ADAMTSL1: variants seen among roughly 807,000 people sequenced by gnomAD.
ADAMTSL1 encodes the protein ADAMTS-like protein 1.
Under a neutral mutation model 201.8 loss-of-function variants are expected in ADAMTSL1, and 126 were observed. The ratio of observed to expected loss-of-function variants is 0.62; its 90% CI spans 0.54 to 0.72. The LOEUF (loss-of-function observed/expected upper bound fraction) is 0.72, where lower values mean the gene tolerates loss of function less well. Ranked by LOEUF, ADAMTSL1 falls within the 30% of genes least tolerant of loss-of-function variation. The pLI, the probability that ADAMTSL1 is intolerant of heterozygous loss-of-function variation, is 0.00. For missense variants in ADAMTSL1, 2,679 were observed against 2,277.8 expected (o/e 1.18, Z -3.59); for synonymous variants, 1,121 against 903.4 (o/e 1.24, Z -4.32).
Position 18,244,084 on chromosome 9 carries a change from AT to A in ADAMTSL1, c.207+80107del, listed in dbSNP as rs1156801445. Among the ~76,000 whole-genome samples, 12 of 97,518 alleles carry A rather than the reference AT, an allele frequency of 1.2e-4. No individual in the cohort carries two copies. In the South Asian group the frequency reaches 4.4e-3, roughly 35 times the overall value. 64.0% of individuals were successfully genotyped at this position (97,518 alleles called of 152,430 possible). ...TTGCTAAATGAAATAGAGAGAAATGATTTTGTGTGTGTGTGTGTGTGTGTGT... is the reference window on the plus strand; with the variant it reads ...TTGCTAAATGAAATAGAGAGAAATGATTTGTGTGTGTGTGTGTGTGTGTGT... On this transcript the variant is annotated intron_variant, in intron 2 of 29. Transcript: ENST00000680146.
At chr9:18,502,803 T>C (rs1822911155) in intron 1 of ADAMTSL1, among the ~76,000 whole-genome samples, 1 of 152,112 alleles carries the variant, frequency 6.6e-6, no homozygotes, top group African/African-American at 2.4e-5. Flanking sequence ...TTCAGGGAGA[T>C]GATACTTTAC....
chr9:18,641,082 C>T (rs981522172), intron 7 of ADAMTSL1, among the ~76,000 whole-genome samples: 11 of 151,994 alleles, frequency 7.2e-5, no homozygotes, highest in African/African-American at 2.7e-4. Context: ...ACCTGAATGC[C>T]GGGCAGGTCC....
At chr9:18,856,322 G>C (rs1297164278) in intron 23 of ADAMTSL1, among the ~76,000 whole-genome samples, 1 of 151,918 alleles carries the variant, frequency 6.6e-6, no homozygotes, top group African/African-American at 2.4e-5. Context: ...GATGGTTTTT[G>C]GTTCATTCAT....
At chr9:17,982,597 G>C (rs1818753163) in intron 1 of ADAMTSL1, among the ~76,000 whole-genome samples, 1 of 152,054 alleles carries the variant, frequency 6.6e-6, no homozygotes, top group Admixed American at 6.6e-5. Flanking sequence ...GGGTGACAGA[G>C]CAAGACTCCG....
chr9:18,355,103 G>GAATCTACA (rs1836155064), intron 2 of ADAMTSL1, among the ~76,000 whole-genome samples: 1 of 151,120 alleles, frequency 6.6e-6, no homozygotes, highest in Admixed American at 6.6e-5. Flanking sequence ...CCCTAGTTTA[G>GAATCTACA]AATCTACACC....
intron 4 of ADAMTSL1, among the ~76,000 whole-genome samples, chr9:18,621,594 AC>A (rs1826038108): frequency 7.4e-6 from 1 of 135,030 alleles, no homozygotes. Flanking sequence ...ACACACACAC[AC>A]ACACAGTAAG....
At chr9:18,828,660 T>TTTTATA (rs10685537) in intron 22 of ADAMTSL1, among the ~76,000 whole-genome samples, 1 of 28,532 alleles carries the variant, frequency 3.5e-5, no homozygotes, top group African/African-American at 1.2e-4. Context: ...GAAAGTATAT[T>TTTTATA]TATATATATA....
chr9:17,951,539 G>T (rs1827727794), intron 1 of ADAMTSL1, among the ~76,000 whole-genome samples: 1 of 151,716 alleles, frequency 6.6e-6, no homozygotes, highest in Admixed American at 6.6e-5. Flanking sequence ...ACCTTTCCTT[G>T]ATTATCTGTG....
At chr9:18,022,909 A>C (rs938067111) in intron 1 of ADAMTSL1, among the ~76,000 whole-genome samples, 6 of 152,178 alleles carry the variant, frequency 3.9e-5, no homozygotes, top group African/African-American at 1.2e-4. Flanking sequence ...AGAAGTGATC[A>C]AGATCACCAG....
chr9:18,062,228 A>G (rs927494056), intron 1 of ADAMTSL1, among the ~76,000 whole-genome samples: 2 of 152,216 alleles, frequency 1.3e-5, no homozygotes, highest in African/African-American at 4.8e-5. Context: ...TCTGATTGAA[A>G]AATGTCATGA....
intron 3 of ADAMTSL1, among the ~76,000 whole-genome samples, chr9:18,539,445 C>T (rs1166886415): frequency 6.6e-6 from 1 of 152,216 alleles, no homozygotes; most frequent in African/African-American, 2.4e-5. Context: ...GTCTGGCATT[C>T]AGTGTCTGAC....
intron 4 of ADAMTSL1, among the ~76,000 whole-genome samples, chr9:18,617,971 A>C (rs990391030): frequency 6.6e-5 from 10 of 152,206 alleles, no homozygotes; most frequent in Non-Finnish European, 1.0e-4. Context: ...AATTTCATGC[A>C]GTTGCCAAAG....
In ADAMTSL1 at chr9:18,705,752, G is replaced by A. The variant is rs1009309; in HGVS notation, c.1575-995G>A. The stretch of plus-strand genomic sequence containing the variant: ...TCCTTATACATATAAATAAATCTCG[G>A]GAAGCATATTGAACAAAGAAAGTTA... On this transcript the variant is annotated intron_variant, in intron 13 of 28. Coordinates refer to ENST00000380548, the MANE Select transcript of ADAMTSL1 (RefSeq NM_001040272.6). Among the ~76,000 whole-genome samples, 1,232 of 152,210 alleles carry A rather than the reference G, an allele frequency of 8.1e-3. 30 individuals carry two copies. The highest frequency in any genetic ancestry group is 0.048 in the Admixed American group (734 of 15,286).
At chr9:18,648,171 T>G (rs1200884558) in intron 7 of ADAMTSL1, among the ~76,000 whole-genome samples, 1 of 140,832 alleles carries the variant, frequency 7.1e-6, no homozygotes, top group Non-Finnish European at 1.6e-5. Context: ...TGATCTTTGT[T>G]GGTTTAAAGT....
chr9:18,301,448 A>G (rs4546750), intron 2 of ADAMTSL1, among the ~76,000 whole-genome samples: 100,909 of 152,038 alleles, frequency 0.66, 33,743 homozygotes, highest in Admixed American at 0.76. Context: ...TGAGAGTATC[A>G]AATCTTTTAT....
chr9:18,558,073 A>G (rs776149077), intron 3 of ADAMTSL1, among the ~76,000 whole-genome samples: 15 of 152,090 alleles, frequency 9.9e-5, no homozygotes, highest in African/African-American at 3.4e-4. Flanking sequence ...GGTTTGTTAC[A>G]TTGGTATACA....
chr9:18,067,206 T>C (rs1366246408), intron 1 of ADAMTSL1, among the ~76,000 whole-genome samples: 1 of 152,232 alleles, frequency 6.6e-6, no homozygotes, highest in Non-Finnish European at 1.5e-5. Flanking sequence ...TACTATTTAC[T>C]AGCCATGTAA....
intron 2 of ADAMTSL1, among the ~76,000 whole-genome samples, chr9:18,322,345 T>C (rs1834656540): frequency 6.6e-6 from 1 of 152,138 alleles, no homozygotes; most frequent in Non-Finnish European, 1.5e-5. Flanking sequence ...GTTAAACCAT[T>C]AGCAGTACCA....
chr9:18,830,200 A>G (rs938603268), intron 23 of ADAMTSL1, among the ~76,000 whole-genome samples: 5 of 152,204 alleles, frequency 3.3e-5, no homozygotes, highest in African/African-American at 7.2e-5. Context: ...CTAGATTCCA[A>G]TATGGCTCCT....
Sources: gnomAD v4.1 joint callset for allele counts (sites outside exome capture counted in the v4.1 genomes callset) on GRCh38, gnomAD v4.1.1 for gene constraint, MANE v1.5 for transcripts, NCBI Gene and HGNC (gene_info 2026-07-23, HGNC 2026-07-21) for gene names.